SPESP1: variants seen among roughly 807,000 people sequenced by gnomAD.
The protein encoded by SPESP1 is equatorial segment protein.
In SPESP1, 1 loss-of-function variant was observed where a neutral mutation model predicts 3.1. The ratio of observed to expected loss-of-function variants is 0.33; its 90% CI spans 0.12 to 1.54. SPESP1 has a LOEUF of 1.54. SPESP1 is among the 40% of genes most tolerant of loss of function. The probability of loss-of-function intolerance (pLI) is 0.38; values close to 1 mark genes in which losing one functional copy is unlikely to be tolerated. For missense variants in SPESP1, 398 were observed against 410.1 expected, an observed-to-expected ratio of 0.97 and a Z score of 0.26; for synonymous variants, 138 against 150.7, an observed-to-expected ratio of 0.92 and a Z score of 0.62.
chr15:68,945,897 C>A lies in SPESP1; in HGVS notation c.363C>A (p.Phe121Leu). 1 of 1,614,126 alleles carries A rather than the reference C, an allele frequency of 6.2e-7. No homozygotes were observed. Among genetic ancestry groups the A allele is most frequent in the Non-Finnish European group, 8.5e-7 (1 of 1,180,026 alleles). The change falls in exon 2 of 2, where the codon TTC becomes TTA. Residue 121 changes from phenylalanine (F) to leucine (L), a missense_variant. Physicochemically the swap from Phe to Leu is conservative, Grantham distance 22. Coordinates refer to ENST00000310673, the MANE Select transcript of SPESP1 (RefSeq NM_145658.4). ...GKKKHTESTP[F>L]WSIKPNNVSI... ...AAAAACACACGGAAAGTACCCCATT[C>A]TGGTCGATCAAACCAAACAATGTTT... is the stretch of plus-strand genomic sequence containing the variant.
At chr15:68,933,359 A>G (rs1023193286) in intron 1 of SPESP1, among the ~76,000 whole-genome samples, 2 of 152,074 alleles carry the variant, frequency 1.3e-5, no homozygotes, top group African/African-American at 4.8e-5. Flanking sequence ...ACACACACAC[A>G]TCCTGATGGT....
chr15:68,938,364 G>A (rs1895735381), intron 1 of SPESP1, among the ~76,000 whole-genome samples: 1 of 152,008 alleles, frequency 6.6e-6, no homozygotes, highest in Non-Finnish European at 1.5e-5. Context: ...ATTTCTGTGT[G>A]AACGGGATGT....
chr15:68,946,631 A>C lies in SPESP1; in HGVS notation c.*44A>C. 1 of 1,365,974 alleles carries C rather than the reference A, an allele frequency of 7.3e-7. No individual in the cohort carries two copies. The highest frequency in any genetic ancestry group is 9.4e-7 in the Non-Finnish European group (1 of 1,061,098). The allele number at this position is 1,365,974 out of a possible 1,614,324, so 84.6% of individuals were successfully genotyped here. On this transcript the variant is annotated 3_prime_UTR_variant, in exon 2 of 2. Coordinates refer to ENST00000310673, the MANE Select transcript of SPESP1 (RefSeq NM_145658.4). The stretch of plus-strand genomic sequence containing the variant: ...TAAACCTACTTGATATTCCATAACA[A>C]AGCTGATTTAAGCAAACTGCATTTT...
rs755869729 is a variant in SPESP1, at chr15:68,946,487, G to A, written c.953G>A (p.Cys318Tyr). 5 of 1,613,086 alleles carry A rather than the reference G, an allele frequency of 3.1e-6. No homozygotes were observed. The African/African-American group carries it at 4.0e-5, about 13-fold the overall frequency. Residue 318 changes from cysteine (C) to tyrosine (Y), a missense_variant, in exon 2 of 2, where the codon TGT becomes TAT. Cys to Tyr is a radical substitution (Grantham distance 194). Transcript: ENST00000310673. ...CTCTATGAATATTTAGATATTAAATGTGTTCCACCAGAGATGAGAGAAAAA... is the reference window on the plus strand; with the variant it reads ...CTCTATGAATATTTAGATATTAAATATGTTCCACCAGAGATGAGAGAAAAA... ...SKLYEYLDIKCVPPEMREKAA... is the reference protein window; with the variant it reads ...SKLYEYLDIKYVPPEMREKAA...
At chr15:68,931,755 C>T (rs1895548620) in intron 1 of SPESP1, among the ~76,000 whole-genome samples, 1 of 152,180 alleles carries the variant, frequency 6.6e-6, no homozygotes, top group Non-Finnish European at 1.5e-5. Flanking sequence ...ATGTGGGCAC[C>T]TTAAGGCACT....
chr15:68,944,011 C>T (rs750902949), intron 1 of SPESP1, among the ~76,000 whole-genome samples: 2 of 152,064 alleles, frequency 1.3e-5, no homozygotes, highest in African/African-American at 4.8e-5. Flanking sequence ...GCCTCCTGAA[C>T]AGAAAGTTTA....
intron 1 of SPESP1, among the ~76,000 whole-genome samples, chr15:68,931,495 C>T (rs1895538464): frequency 6.6e-6 from 1 of 151,934 alleles, no homozygotes; most frequent in South Asian, 2.1e-4. Flanking sequence ...ACTCTCTGGC[C>T]CTGTACAGAA....
In SPESP1 at chr15:68,931,212, A is replaced by G. The variant is rs758105038; in HGVS notation, c.64+495A>G. Among the ~76,000 whole-genome samples the G allele has an allele frequency of 8.0e-5, 12 of 149,542 alleles. No individual in the cohort carries two copies. The South Asian group carries it at 1.1e-3, about 14-fold the overall frequency. On this transcript the variant is annotated intron_variant, in intron 1 of 1. Coordinates refer to ENST00000310673, the MANE Select transcript of SPESP1 (RefSeq NM_145658.4). ...ATAACTTGTCATTTACATTAGGTAT[A>G]TCTCCTAATGCTATCCCTCCCCCCT...
At chr15:68,934,427 A>C (rs1895632199) in intron 1 of SPESP1, among the ~76,000 whole-genome samples, 1 of 152,236 alleles carries the variant, frequency 6.6e-6, no homozygotes, top group Admixed American at 6.5e-5. Flanking sequence ...TGGTGCTGCA[A>C]GTTCACTTAG....
At chr15:68,937,708 G>A (rs1454986742) in intron 1 of SPESP1, among the ~76,000 whole-genome samples, 1 of 152,118 alleles carries the variant, frequency 6.6e-6, no homozygotes, top group Non-Finnish European at 1.5e-5. Flanking sequence ...TCCTCTCTGG[G>A]TAGGAGGGAA....
At chr15:68,936,874 C>CT (rs1473832362) in intron 1 of SPESP1, among the ~76,000 whole-genome samples, 4 of 152,078 alleles carry the variant, frequency 2.6e-5, no homozygotes, top group Admixed American at 6.6e-5. Flanking sequence ...TGGGGGCTCT[C>CT]TGAGAAATGG....
chr15:68,935,372 A>G (rs1895657304), intron 1 of SPESP1, among the ~76,000 whole-genome samples: 4 of 152,214 alleles, frequency 2.6e-5, no homozygotes, highest in Admixed American at 2.0e-4. Flanking sequence ...AGCTGAGGTC[A>G]CTCATGCAGC....
At chr15:68,944,611 T>C (rs1158445796) in intron 1 of SPESP1, among the ~76,000 whole-genome samples, 1 of 152,058 alleles carries the variant, frequency 6.6e-6, no homozygotes, top group Non-Finnish European at 1.5e-5. Flanking sequence ...AAGAGTGAAA[T>C]GCTGATGATT....
At chr15:68,943,978 T>C (rs1397408671) in intron 1 of SPESP1, among the ~76,000 whole-genome samples, 3 of 152,180 alleles carry the variant, frequency 2.0e-5, no homozygotes, top group African/African-American at 4.8e-5. Context: ...TATTTTGTGC[T>C]TACCAAAAAG....
chr15:68,936,193 A>G (rs1272938522), intron 1 of SPESP1, among the ~76,000 whole-genome samples: 2 of 152,220 alleles, frequency 1.3e-5, no homozygotes, highest in Non-Finnish European at 2.9e-5. Context: ...TTCTTTATGG[A>G]TAAAGCCATT....
chr15:68,940,262 C>T (rs1415016939), intron 1 of SPESP1, among the ~76,000 whole-genome samples: 2 of 152,002 alleles, frequency 1.3e-5, no homozygotes, highest in Non-Finnish European at 2.9e-5. Flanking sequence ...ATTCCTTTTC[C>T]TCTCACTTCC....
chr15:68,937,001 T>C (rs570157613), intron 1 of SPESP1, among the ~76,000 whole-genome samples: 1 of 152,244 alleles, frequency 6.6e-6, no homozygotes, highest in East Asian at 1.9e-4. Flanking sequence ...TTGCCTAAAA[T>C]AAAAGAACAT....
intron 1 of SPESP1, among the ~76,000 whole-genome samples, chr15:68,943,782 T>G (rs1380508375): frequency 2.6e-5 from 4 of 152,122 alleles, no homozygotes; most frequent in African/African-American, 7.2e-5. Context: ...TGTAAAACTG[T>G]TAATGCTAAT....
rs185250389 is a variant in SPESP1, at chr15:68,932,710, G to C, written c.64+1993G>C. 8.7e-3 allele frequency among the ~76,000 whole-genome samples: 1,327 copies of C among 152,160 alleles called. 17 individuals are homozygous for C. Among genetic ancestry groups the C allele is most frequent in the African/African-American group, 0.029 (1,204 of 41,510 alleles). On this transcript the variant is annotated intron_variant, in intron 1 of 1. Transcript: ENST00000310673. Reference sequence around the variant, plus strand: ...CCCAGCCAGCCTGTTGTCTTTCTTAGCACCCTATTCCCTAATCTTTCTTGG... The same window carrying C: ...CCCAGCCAGCCTGTTGTCTTTCTTACCACCCTATTCCCTAATCTTTCTTGG...
Sources: allele counts gnomAD v4.1 joint callset (sites outside exome capture counted in the v4.1 genomes callset), GRCh38; gene constraint gnomAD v4.1.1; transcripts MANE v1.5; gene names NCBI Gene and HGNC (gene_info 2026-07-23, HGNC 2026-07-21).